MVB12A: variants seen among roughly 807,000 people sequenced by gnomAD.
The protein encoded by MVB12A is CIN85/CD2AP family binding protein.
A neutral mutation model predicts 34.3 loss-of-function variants in MVB12A; 30 were observed. That is an observed-to-expected ratio of 0.88 (90% CI 0.65 to 1.19). MVB12A has a LOEUF of 1.19. Among genes scored for constraint, MVB12A ranks in the 50% most tolerant of loss-of-function variants. MVB12A has a pLI of 0.00. For synonymous variants in MVB12A, 158 were observed against 158.9 expected (o/e 0.99, Z 0.04); for missense variants, 355 against 369.2 (o/e 0.96, Z 0.31).
rs571910092 is a variant in MVB12A, at chr19:17,420,432, G to T, written c.189+21G>T. On this transcript the variant is annotated intron_variant, in intron 2 of 8. Transcript: ENST00000317040. The stretch of plus-strand genomic sequence containing the variant: ...TAGAGGTAAGAGGTGCCCACCTTCG[G>T]AACCACCAGGGTCTGCCCACCTCCC... The T allele has an allele frequency of 3.3e-5, 53 of 1,611,750 alleles. No homozygotes were observed. The South Asian group carries it at 5.4e-4, about 16-fold the overall frequency.
chr19:17,423,850 C>A, intron 6 of MVB12A, 51 bp downstream of exon 6: 1 of 1,583,792 alleles, frequency 6.3e-7, no homozygotes, highest in Non-Finnish European at 8.7e-7. Context: ...GTGTGACTGT[C>A]TTGAGATTAC....
At chr19:17,405,743 G>T in exon 1 of MVB12A, 3 of 553,812 alleles carry the variant, frequency 5.4e-6, no homozygotes, top group Admixed American at 3.8e-5. Context: ...GATTAATTAG[G>T]TTTTCAGTTT....
intron 2 of MVB12A, among the ~76,000 whole-genome samples, chr19:17,406,823 C>CA (rs1199980423): frequency 3.9e-5 from 6 of 152,174 alleles, no homozygotes; most frequent in East Asian, 1.9e-4. Context: ...AACCAATAAA[C>CA]AAAAAAATCA....
At chr19:17,409,573 C>A (rs974176872) in intron 2 of MVB12A, among the ~76,000 whole-genome samples, 1 of 149,776 alleles carries the variant, frequency 6.7e-6, no homozygotes, top group Non-Finnish European at 1.5e-5. Context: ...CTCAGCCTCC[C>A]TAGTAGCTGG....
At chr19:17,422,565 C>G in intron 4 of MVB12A, 107 bp downstream of exon 4, 1 of 1,083,858 alleles carries the variant, frequency 9.2e-7, no homozygotes, top group South Asian at 2.0e-5. Context: ...CCTTCTTCTA[C>G]CTTCTGAGCC....
In MVB12A at chr19:17,423,796, T is replaced by C; in HGVS notation, c.637T>C (p.Ser213Pro). The change falls in exon 6 of 9, where the codon TCA becomes CCA. Residue 213 changes from serine (S) to proline (P), a missense_variant. By Grantham distance (74) the Ser-to-Pro change is moderately conservative. Transcript: ENST00000317040. ...IYEASSLYGI[S>P]AMDGVPFTLH... ...CGAGGCCTCCAGCCTCTATGGCATCTCAGGTGAGCACAGAGTGGGGAAACT... is the reference window on the plus strand; with the variant it reads ...CGAGGCCTCCAGCCTCTATGGCATCCCAGGTGAGCACAGAGTGGGGAAACT... 1 of 1,613,702 alleles carries C rather than the reference T, an allele frequency of 6.2e-7. No individual in the cohort carries two copies. Among genetic ancestry groups the C allele is most frequent in the Admixed American group, 1.7e-5 (1 of 60,014 alleles).
rs552814607 is a variant in MVB12A, at chr19:17,422,519, A to G, written c.413+61A>G. On this transcript the variant is annotated intron_variant, in intron 4 of 8. Transcript: ENST00000317040. ...GCCCTCCCAACTCATGATCTCACCA[A>G]TCTGACCCTCAAGGACACCCCTGAG... The G allele has an allele frequency of 1.4e-5, 21 of 1,520,410 alleles. No individual in the cohort carries two copies. In the East Asian group the frequency reaches 2.3e-4, roughly 17 times the overall value. 94.2% of individuals were successfully genotyped at this position (1,520,410 alleles called of 1,614,324 possible).
chr19:17,406,112 G>T (rs919049421), exon 2 of MVB12A: 3 of 152,816 alleles, frequency 2.0e-5, no homozygotes, highest in Non-Finnish European at 4.4e-5. Context: ...TTCATCCAGT[G>T]CCTCTGTCCC....
upstream of MVB12A, chr19:17,419,188 C>T (rs1027037213): frequency 2.0e-5 from 3 of 152,206 alleles, no homozygotes; most frequent in Non-Finnish European, 4.4e-5. Context: ...TGCTAGCATT[C>T]CTCTCCCTTC....
chr19:17,414,271 ACT>A (rs71927544), intron 2 of MVB12A: 29,490 of 151,136 alleles, frequency 0.2, 3,147 homozygotes, highest in African/African-American at 0.29. Flanking sequence ...ACAGAACAAG[ACT>A]CTGTCTCAAA....
At chr19:17,416,378 G>C (rs2074799695), upstream of MVB12A, among the ~76,000 whole-genome samples, 1 of 149,646 alleles carries the variant, frequency 6.7e-6, no homozygotes, top group Non-Finnish European at 1.5e-5. Context: ...CCAAAGTGCT[G>C]GGATTACAGG....
intron 2 of MVB12A, among the ~76,000 whole-genome samples, chr19:17,408,338 C>T (rs1292875323): frequency 3.3e-5 from 5 of 150,886 alleles, no homozygotes; most frequent in African/African-American, 4.9e-5. Context: ...GCCAGTAGTT[C>T]GAGACCAGCC....
chr19:17,421,969 G>A (rs1023455021), intron 3 of MVB12A: 5 of 162,750 alleles, frequency 3.1e-5, no homozygotes, highest in East Asian at 1.7e-4. Context: ...AACAGACCTT[G>A]AGCCAGATTT....
At chr19:17,424,385 C>T (rs971762227) in intron 7 of MVB12A, among the ~76,000 whole-genome samples, 3 of 152,142 alleles carry the variant, frequency 2.0e-5, no homozygotes, top group Admixed American at 2.0e-4. Context: ...AGATCGAGAC[C>T]AGCCTGGCCA....
At chr19:17,407,752 G>C (rs1382660711) in intron 2 of MVB12A, among the ~76,000 whole-genome samples, 1 of 152,180 alleles carries the variant, frequency 6.6e-6, no homozygotes, top group Non-Finnish European at 1.5e-5. Context: ...GAGCCTGACT[G>C]ATGTCAGGCC....
In MVB12A at chr19:17,422,161, C is replaced by T. The variant is rs2074842304; in HGVS notation, c.287-171C>T. 6 of 503,262 alleles carry T rather than the reference C, an allele frequency of 1.2e-5. No homozygotes were observed. The South Asian group carries it at 2.2e-4, about 19-fold the overall frequency. 31.2% of individuals were successfully genotyped at this position (503,262 alleles called of 1,614,324 possible). A position where few individuals can be genotyped will look rare whatever the true frequency, so the allele number is the denominator to read the frequency against. Reference sequence around the variant, plus strand: ...GTTCCTAAAGGCTGCATGGAATCCCCTCCTTCATCTATACCATTCATGATT... The same window carrying T: ...GTTCCTAAAGGCTGCATGGAATCCCTTCCTTCATCTATACCATTCATGATT... On this transcript the variant is annotated intron_variant, in intron 3 of 8. Transcript: ENST00000317040.
chr19:17,420,385 T>G lies in MVB12A; in HGVS notation c.163T>G (p.Cys55Gly), dbSNP rs780916077. 5 of 1,613,768 alleles carry G rather than the reference T, an allele frequency of 3.1e-6. No individual in the cohort carries two copies. The highest frequency in any genetic ancestry group is 4.2e-6 in the Non-Finnish European group (5 of 1,179,930). Residue 55 changes from cysteine to glycine, a missense_variant, in exon 2 of 9, where the codon TGC (cysteine) becomes GGC (glycine). Transcript: ENST00000317040. Reference protein sequence around the residue: ...SFAQKSGYFLCLSSLGSLENP... With the variant: ...SFAQKSGYFLGLSSLGSLENP... Reference sequence around the variant, plus strand: ...CGCGCAGAAATCTGGCTACTTCCTGTGCCTTAGTTCTCTGGGCAGCCTAGA... The same window carrying G: ...CGCGCAGAAATCTGGCTACTTCCTGGGCCTTAGTTCTCTGGGCAGCCTAGA...
chr19:17,409,631 A>G (rs1434005685), intron 2 of MVB12A, among the ~76,000 whole-genome samples: 2 of 146,968 alleles, frequency 1.4e-5, no homozygotes, highest in Non-Finnish European at 3.0e-5. Flanking sequence ...TATTTTTAGT[A>G]GAGAGGTTTA....
chr19:17,420,097 T>G lies in MVB12A; in HGVS notation c.-39T>G. On this transcript the variant is annotated 5_prime_UTR_variant, in exon 1 of 9. Transcript: ENST00000317040. ...CGGGAGGCGCTCCGAGGTTCGAGGC[T>G]GTGCCCCGCGACCCCGCCTTCGGCG... 7.9e-7 allele frequency: 1 copy of G among 1,270,844 alleles called. No individual in the cohort carries two copies. Among genetic ancestry groups the G allele is most frequent in the Non-Finnish European group, 9.9e-7 (1 of 1,012,184 alleles). 78.7% of individuals were successfully genotyped at this position (1,270,844 alleles called of 1,614,324 possible). A position where few individuals can be genotyped will look rare whatever the true frequency, so the allele number is the denominator to read the frequency against.
Sources: allele counts gnomAD v4.1 joint callset (sites outside exome capture counted in the v4.1 genomes callset), GRCh38; gene constraint gnomAD v4.1.1; transcripts MANE v1.5; gene names NCBI Gene and HGNC (gene_info 2026-07-23, HGNC 2026-07-21).